SH3RF1: variants seen among roughly 807,000 people sequenced by gnomAD.
SH3RF1 encodes E3 ubiquitin-protein ligase SH3RF1.
Under a neutral mutation model 74.0 loss-of-function variants are expected in SH3RF1, and 32 were observed. The observed-to-expected ratio is 0.43, with a 90% CI of 0.33 to 0.58. The LOEUF (loss-of-function observed/expected upper bound fraction) is 0.58, where lower values mean the gene tolerates loss of function less well. SH3RF1 is among the 20% of genes least tolerant of loss of function. The pLI is 0.05. For missense variants in SH3RF1, 954 were observed against 1,130.9 expected (o/e 0.84, Z 2.24); for synonymous variants, 396 against 439.6 (o/e 0.90, Z 1.24).
At chr4:169,258,458 T>C (rs1165495503) in intron 2 of SH3RF1, among the ~76,000 whole-genome samples, 3 of 152,024 alleles carry the variant, frequency 2.0e-5, no homozygotes, top group African/African-American at 7.2e-5. Context: ...TTTACAAAAA[T>C]GAGTAGAAAA....
chr4:169,180,611 C>T (rs1386523162), intron 2 of SH3RF1, among the ~76,000 whole-genome samples: 1 of 152,112 alleles, frequency 6.6e-6, no homozygotes, highest in Non-Finnish European at 1.5e-5. Flanking sequence ...CCCCTACCCG[C>T]TTGTTTTTTG....
At chr4:169,210,953 G>GT (rs1436124798) in intron 2 of SH3RF1, among the ~76,000 whole-genome samples, 2 of 152,060 alleles carry the variant, frequency 1.3e-5, no homozygotes, top group Admixed American at 1.3e-4. Flanking sequence ...CTTGTCTAAG[G>GT]TTTCACTTTT....
chr4:169,127,750 C>T (rs1179606179), intron 6 of SH3RF1, among the ~76,000 whole-genome samples: 3 of 152,160 alleles, frequency 2.0e-5, no homozygotes, highest in African/African-American at 7.2e-5. Flanking sequence ...CATTGATTTG[C>T]CTCAGAGTGA....
chr4:169,148,654 G>C (rs545085938), intron 4 of SH3RF1, among the ~76,000 whole-genome samples: 3 of 152,186 alleles, frequency 2.0e-5, no homozygotes, highest in East Asian at 1.9e-4. Context: ...TATACACTTA[G>C]CATGTTCCAG....
intron 7 of SH3RF1, 89 bp downstream of exon 7, chr4:169,122,011 C>A: frequency 6.5e-7 from 1 of 1,537,482 alleles, no homozygotes; most frequent in Non-Finnish European, 8.9e-7. Flanking sequence ...CTGTCATCAG[C>A]TCATGTCAGA....
chr4:169,120,802 T>C lies in SH3RF1; in HGVS notation c.1517+17A>G, dbSNP rs560378101. 87 of 1,612,830 alleles carry C rather than the reference T, an allele frequency of 5.4e-5. No individual in the cohort carries two copies. Among genetic ancestry groups the C allele is most frequent in the Non-Finnish European group, 6.4e-5 (75 of 1,178,904 alleles). ...TCTCTGTTTAGAACATAGTAAACAA[T>C]GTATTCAAAACCATACCTTGTGACT... On this transcript the variant is annotated intron_variant, in intron 8 of 11. Coordinates refer to ENST00000284637, the MANE Select transcript of SH3RF1 (RefSeq NM_020870.4).
At position 169,116,523 on chromosome 4, in the gene SH3RF1, C is replaced by A; in HGVS notation, c.1885G>T (p.Ala629Ser). 6.2e-7 allele frequency: 1 copy of A among 1,612,926 alleles called. No individual in the cohort carries two copies. Among genetic ancestry groups the A allele is most frequent in the Non-Finnish European group, 8.5e-7 (1 of 1,179,536 alleles). ...ATCAGAGGCGCAGGTTGTGGGGAGG[C>A]CAGCGAGTGATGGGACAGGCCCACA... Reference protein sequence around the residue: ...ASVGLSHHSLASPQPAPLMPG... With the variant: ...ASVGLSHHSLSSPQPAPLMPG... The change falls in exon 10 of 12, where the codon GCC (alanine) becomes TCC (serine). Residue 629 changes from alanine (A) to serine (S), a missense_variant. This residue lies in a region of SH3RF1 where 854 missense variants were observed against 962.5 expected (regional missense o/e 0.89). Transcript: ENST00000284637.
intron 10 of SH3RF1, among the ~76,000 whole-genome samples, chr4:169,114,486 G>A (rs1352876368): frequency 6.6e-6 from 1 of 152,086 alleles, no homozygotes; most frequent in African/African-American, 2.4e-5. Flanking sequence ...AAAGTTCCAG[G>A]GATCAGGAGG....
intron 11 of SH3RF1, among the ~76,000 whole-genome samples, chr4:169,097,905 C>G (rs548996391): frequency 6.6e-6 from 1 of 152,346 alleles, no homozygotes; most frequent in South Asian, 2.1e-4. Flanking sequence ...GGACACTCAA[C>G]ATCTCTATGG....
intron 10 of SH3RF1, 118 bp downstream of exon 10, chr4:169,116,151 C>T (rs1035932215): frequency 2.6e-5 from 37 of 1,431,906 alleles, no homozygotes; most frequent in Non-Finnish European, 3.5e-5. Context: ...ACGTAGGGAG[C>T]ACCTGAGGGT....
intron 10 of SH3RF1, among the ~76,000 whole-genome samples, chr4:169,112,308 T>G (rs965627075): frequency 4.6e-5 from 7 of 152,194 alleles, no homozygotes; most frequent in African/African-American, 9.7e-5. Context: ...AACTGCAACT[T>G]TGGATCCAAT....
chr4:169,109,270 G>A (rs1733201253), intron 10 of SH3RF1, among the ~76,000 whole-genome samples: 1 of 152,214 alleles, frequency 6.6e-6, no homozygotes, highest in African/African-American at 2.4e-5. Context: ...AGCTAAAGCT[G>A]TTTCTTAAAA....
chr4:169,209,722 T>C (rs1459456413), intron 2 of SH3RF1, among the ~76,000 whole-genome samples: 2 of 152,210 alleles, frequency 1.3e-5, no homozygotes, highest in Non-Finnish European at 2.9e-5. Context: ...TAGATAACAC[T>C]GTAATGTACC....
chr4:169,199,211 T>G (rs991588269), intron 2 of SH3RF1, among the ~76,000 whole-genome samples: 1 of 152,202 alleles, frequency 6.6e-6, no homozygotes, highest in East Asian at 1.9e-4. Flanking sequence ...GACTGCTGGG[T>G]ATGCATGGAC....
At chr4:169,165,586 T>C (rs1173184808) in intron 2 of SH3RF1, among the ~76,000 whole-genome samples, 1 of 148,370 alleles carries the variant, frequency 6.7e-6, no homozygotes, top group Non-Finnish European at 1.5e-5. Flanking sequence ...ATTGTGCCAC[T>C]GCACTCCAGC....
At chr4:169,151,900 A>G (rs1361468186) in intron 4 of SH3RF1, among the ~76,000 whole-genome samples, 2 of 152,234 alleles carry the variant, frequency 1.3e-5, no homozygotes, top group Non-Finnish European at 2.9e-5. Flanking sequence ...TTCCATATTC[A>G]GCACTTATTT....
intron 4 of SH3RF1, among the ~76,000 whole-genome samples, chr4:169,143,760 A>G (rs1561035394): frequency 6.6e-6 from 1 of 152,242 alleles, no homozygotes; most frequent in African/African-American, 2.4e-5. Flanking sequence ...GCACTAGGTT[A>G]GGAAGGTGAA....
At chr4:169,107,893 C>T (rs534605493) in intron 10 of SH3RF1, among the ~76,000 whole-genome samples, 1 of 152,306 alleles carries the variant, frequency 6.6e-6, no homozygotes, top group East Asian at 1.9e-4. Context: ...AGGAAAGCTT[C>T]AGTATATTTA....
At chr4:169,139,640 G>C (rs1159350739) in intron 4 of SH3RF1, among the ~76,000 whole-genome samples, 1 of 152,138 alleles carries the variant, frequency 6.6e-6, no homozygotes, top group Non-Finnish European at 1.5e-5. Flanking sequence ...CTCCCATCTG[G>C]ATATTGGGTA....
Sources: allele counts gnomAD v4.1 joint callset (sites outside exome capture counted in the v4.1 genomes callset), GRCh38; gene constraint gnomAD v4.1.1; regional missense constraint gnomAD v4.1.1; transcripts MANE v1.5; gene names NCBI Gene and HGNC (gene_info 2026-07-23, HGNC 2026-07-21).